The following FOXO1 variants were observed in gnomAD, a reference collection of about 807,000 sequenced individuals.
FOXO1 encodes the protein forkhead box protein O1.
In FOXO1, 6 loss-of-function variants were observed where a neutral mutation model predicts 44.1. The ratio of observed to expected loss-of-function variants is 0.14; its 90% CI spans 0.07 to 0.27. The LOEUF is 0.27. Ranked by LOEUF, FOXO1 falls within the 10% of genes least tolerant of loss-of-function variation. The probability of loss-of-function intolerance (pLI) is 1.00; values close to 1 mark genes in which losing one functional copy is unlikely to be tolerated. For missense variants in FOXO1, 737 were observed against 888.8 expected (o/e 0.83, Z 2.17); for synonymous variants, 380 against 362.7 (o/e 1.05, Z -0.54).
intron 1 of FOXO1, among the ~76,000 whole-genome samples, chr13:40,664,853 A>AG (rs1878170141): frequency 6.7e-6 from 1 of 150,154 alleles, no homozygotes; most frequent in Non-Finnish European, 1.5e-5. Context: ...GCCCCCGCCG[A>AG]GGGTCACACT....
chr13:40,576,436 G>T (rs931691089), intron 1 of FOXO1, among the ~76,000 whole-genome samples: 1 of 152,204 alleles, frequency 6.6e-6, no homozygotes, highest in African/African-American at 2.4e-5. Flanking sequence ...AAAGCAGAAA[G>T]ATATTTCTGA....
chr13:40,621,840 T>C (rs1225829601), intron 1 of FOXO1, among the ~76,000 whole-genome samples: 3 of 152,212 alleles, frequency 2.0e-5, no homozygotes, highest in African/African-American at 7.2e-5. Context: ...AATGTTAAAT[T>C]TAATATACAG....
intron 1 of FOXO1, among the ~76,000 whole-genome samples, chr13:40,574,801 C>T (rs1874681536): frequency 6.6e-6 from 1 of 152,180 alleles, no homozygotes; most frequent in Non-Finnish European, 1.5e-5. Flanking sequence ...AACAATCATT[C>T]TTCAGTGGTA....
At chr13:40,662,464 T>C (rs1357077290) in intron 1 of FOXO1, among the ~76,000 whole-genome samples, 5 of 152,196 alleles carry the variant, frequency 3.3e-5, no homozygotes, top group Admixed American at 2.0e-4. Context: ...ATTTAGAAGA[T>C]CCCGGGTTTT....
Position 40,556,201 on chromosome 13 carries a change from T to C in FOXO1, c.*2848A>G, listed in dbSNP as rs1191910282. The C allele has an allele frequency of 6.6e-6, 1 of 152,288 alleles. No individual in the cohort carries two copies. Among genetic ancestry groups the C allele is most frequent in the Non-Finnish European group, 1.5e-5 (1 of 68,038 alleles). The allele number at this position is 152,288 out of a possible 1,614,324, so 9.4% of individuals were successfully genotyped here. A position where few individuals can be genotyped will look rare whatever the true frequency, so the allele number is the denominator to read the frequency against. ...TATCCAGCAGTTGAACAAGTCCAAT[T>C]TGTATATCGTTGGAGAATGATTTCC... On this transcript the variant is annotated 3_prime_UTR_variant, in exon 3 of 3. Coordinates refer to ENST00000379561, the MANE Select transcript of FOXO1 (RefSeq NM_002015.4).
intron 1 of FOXO1, among the ~76,000 whole-genome samples, chr13:40,571,411 G>A (rs375003253): frequency 1.6e-4 from 24 of 152,138 alleles, no homozygotes; most frequent in Non-Finnish European, 2.8e-4. Flanking sequence ...AGGCTACCAA[G>A]GATTTCAAAG....
chr13:40,590,507 C>G (rs1261159243), intron 1 of FOXO1, among the ~76,000 whole-genome samples: 2 of 152,156 alleles, frequency 1.3e-5, no homozygotes, highest in African/African-American at 4.8e-5. Flanking sequence ...TCAAGTGGAA[C>G]AAGAACTAAA....
In FOXO1 at chr13:40,666,082, G is replaced by A. The variant is rs1359323651; in HGVS notation, c.131C>T (p.Pro44Leu). Residue 44 changes from proline to leucine, a missense_variant, in exon 1 of 3, where the codon CCG becomes CTG. By Grantham distance (98) the Pro-to-Leu change is moderately conservative (BLOSUM62 -3). Transcript: ENST00000379561. ...GGGGTTGGCAGCCGCGCTGCCCGACGGCGCCGGGCTGGAGGTGGCCGAGTT... is the reference window on the plus strand; with the variant it reads ...GGGGTTGGCAGCCGCGCTGCCCGACAGCGCCGGGCTGGAGGTGGCCGAGTT... The part of the protein sequence containing the change: ...QSNSATSSPA[P>L]SGSAAANPDA... 7.5e-7 allele frequency: 1 copy of A among 1,341,492 alleles called. No individual in the cohort carries two copies. The highest frequency in any genetic ancestry group is 9.5e-7 in the Non-Finnish European group (1 of 1,048,250). 83.1% of individuals were successfully genotyped at this position (1,341,492 alleles called of 1,614,324 possible).
At chr13:40,594,114 C>T (rs1164010357) in intron 1 of FOXO1, among the ~76,000 whole-genome samples, 1 of 152,138 alleles carries the variant, frequency 6.6e-6, no homozygotes, top group Non-Finnish European at 1.5e-5. Flanking sequence ...TCCAAGTCAA[C>T]TATATAATTA....
chr13:40,629,144 C>CT (rs71961639), intron 1 of FOXO1, among the ~76,000 whole-genome samples: 15,581 of 141,434 alleles, frequency 0.11, 1,056 homozygotes, highest in East Asian at 0.25. Flanking sequence ...AACAACATGA[C>CT]TTTTTTTTTT....
chr13:40,659,314 C>CAAAAAAAAA (rs1210028542), intron 1 of FOXO1, among the ~76,000 whole-genome samples: 12 of 87,544 alleles, frequency 1.4e-4, no homozygotes, highest in African/African-American at 4.7e-4. Context: ...GACTCCGTCT[C>CAAAAAAAAA]AAAAAAAAAA....
At chr13:40,638,415 T>G (rs1419820852) in intron 1 of FOXO1, among the ~76,000 whole-genome samples, 7 of 152,212 alleles carry the variant, frequency 4.6e-5, no homozygotes, top group Non-Finnish European at 4.4e-5. Flanking sequence ...AATTTGTCAT[T>G]TTTAAATGTC....
intron 1 of FOXO1, among the ~76,000 whole-genome samples, chr13:40,617,243 C>T (rs1876457399): frequency 6.6e-6 from 1 of 152,190 alleles, no homozygotes; most frequent in South Asian, 2.1e-4. Flanking sequence ...GTCAGGAGTT[C>T]GAGACCAGCC....
intron 1 of FOXO1, among the ~76,000 whole-genome samples, chr13:40,585,670 T>C (rs1033834483): frequency 1.3e-5 from 2 of 152,176 alleles, no homozygotes; most frequent in Non-Finnish European, 2.9e-5. Context: ...AAATAATTGA[T>C]TCAGGTGAGC....
chr13:40,622,196 C>T (rs1876637061), intron 1 of FOXO1, among the ~76,000 whole-genome samples: 1 of 152,056 alleles, frequency 6.6e-6, no homozygotes, highest in African/African-American at 2.4e-5. Flanking sequence ...ATAAGGTATA[C>T]AATATGCATG....
chr13:40,601,607 A>G (rs1415564005), intron 1 of FOXO1, among the ~76,000 whole-genome samples: 1 of 152,238 alleles, frequency 6.6e-6, no homozygotes, highest in African/African-American at 2.4e-5. Context: ...ATTGTCCAAT[A>G]TACTAAATAT....
intron 1 of FOXO1, among the ~76,000 whole-genome samples, chr13:40,609,042 G>A (rs1437487310): frequency 6.6e-6 from 1 of 152,086 alleles, no homozygotes; most frequent in African/African-American, 2.4e-5. Context: ...CTCCAAATCA[G>A]GGTAACTTTA....
chr13:40,619,312 T>G, intron 1 of FOXO1: 1 of 465,530 alleles, frequency 2.1e-6, no homozygotes, highest in Non-Finnish European at 3.9e-6. Context: ...TAAAATGAAA[T>G]AAAGAAATGG....
intron 1 of FOXO1, among the ~76,000 whole-genome samples, chr13:40,578,711 C>T (rs370378767): frequency 6.6e-6 from 1 of 152,158 alleles, no homozygotes; most frequent in East Asian, 1.9e-4. Context: ...GAAAAAATAC[C>T]TTTGGGACAC....
Sources: gnomAD v4.1 joint callset for allele counts (sites outside exome capture counted in the v4.1 genomes callset) on GRCh38, gnomAD v4.1.1 for gene constraint, MANE v1.5 for transcripts, NCBI Gene and HGNC (gene_info 2026-07-23, HGNC 2026-07-21) for gene names.